Variants in PTCHD4 observed in about 807,000 individuals in gnomAD.
PTCHD4 encodes patched domain containing 4, also known as patched domain-containing protein 4.
A neutral mutation model predicts 58.1 loss-of-function variants in PTCHD4; 33 were observed. That is an observed-to-expected ratio of 0.57 (90% CI 0.43 to 0.76). The LOEUF is 0.76. PTCHD4 is among the 30% of genes least tolerant of loss of function. The pLI, the probability that PTCHD4 is intolerant of heterozygous loss-of-function variation, is 0.00. For synonymous variants in PTCHD4, 478 were observed against 409.6 expected (o/e 1.17, Z -2.02); for missense variants, 1,058 against 1,027.1 (o/e 1.03, Z -0.41).
chr6:48,107,238 C>T (rs1174586488), intron 1 of PTCHD4, among the ~76,000 whole-genome samples: 4 of 151,914 alleles, frequency 2.6e-5, no homozygotes, highest in Non-Finnish European at 4.4e-5. Flanking sequence ...GCATGGTACT[C>T]GTACCAAAAC....
At chr6:47,941,187 T>C (rs1766207410) in intron 4 of PTCHD4, among the ~76,000 whole-genome samples, 1 of 152,148 alleles carries the variant, frequency 6.6e-6, no homozygotes, top group African/African-American at 2.4e-5. Context: ...AGTCCACCAA[T>C]GAGAGACACT....
At chr6:47,906,684 T>A (rs575156759) in intron 4 of PTCHD4, among the ~76,000 whole-genome samples, 4 of 152,292 alleles carry the variant, frequency 2.6e-5, no homozygotes, top group Middle Eastern at 3.4e-3. Context: ...AAATCTTTAG[T>A]GTATATCTTG....
intron 4 of PTCHD4, among the ~76,000 whole-genome samples, chr6:47,906,804 C>T (rs1764901871): frequency 6.6e-6 from 1 of 152,166 alleles, no homozygotes; most frequent in Non-Finnish European, 1.5e-5. Context: ...CCACAGAAGG[C>T]TCACTCTCAC....
intron 4 of PTCHD4, among the ~76,000 whole-genome samples, chr6:47,999,595 TGTGCTGG>T (rs1768640636): frequency 6.6e-6 from 1 of 152,156 alleles, no homozygotes; most frequent in Non-Finnish European, 1.5e-5. Context: ...TCCTAAACAC[TGTGCTGG>T]TTCACGCTTT....
chr6:47,988,163 A>T (rs1019374894), intron 4 of PTCHD4, among the ~76,000 whole-genome samples: 2 of 152,206 alleles, frequency 1.3e-5, no homozygotes, highest in Non-Finnish European at 2.9e-5. Context: ...AAGACATTGT[A>T]TTATAGATGG....
rs150567452 is a variant in PTCHD4, at chr6:48,086,509, GT to G, written c.-969-16584del. Among the ~76,000 whole-genome samples, 243 of 149,576 alleles carry G rather than the reference GT, an allele frequency of 1.6e-3. 4 individuals carry two copies. The South Asian group carries it at 0.039, about 24-fold the overall frequency. On this transcript the variant is annotated intron_variant, in intron 1 of 4. Coordinates refer to ENST00000339488, the MANE Select transcript of PTCHD4 (RefSeq NM_001384253.1). ...ATACAAGGAAATATTACCAATTTCTGTTTTTTTTTCCCTAATATATATCAAT... is the reference window on the plus strand; with the variant it reads ...ATACAAGGAAATATTACCAATTTCTGTTTTTTTTCCCTAATATATATCAAT...
chr6:47,899,141 C>A (rs894692765), intron 4 of PTCHD4, among the ~76,000 whole-genome samples: 1 of 152,190 alleles, frequency 6.6e-6, no homozygotes, highest in African/African-American at 2.4e-5. Flanking sequence ...TATAAAATAT[C>A]ACATCCGCCA....
chr6:48,088,593 C>A (rs1210708267), intron 1 of PTCHD4, among the ~76,000 whole-genome samples: 1 of 152,122 alleles, frequency 6.6e-6, no homozygotes, highest in Admixed American at 6.5e-5. Flanking sequence ...CAGCAAAAAT[C>A]CAGCTAAGTC....
chr6:47,898,606 A>G (rs1047949826), intron 4 of PTCHD4, among the ~76,000 whole-genome samples: 5 of 152,218 alleles, frequency 3.3e-5, no homozygotes, highest in Non-Finnish European at 5.9e-5. Context: ...TCTTGTAAAT[A>G]AAGTAAACAC....
At chr6:47,912,633 A>G (rs1301972330) in intron 4 of PTCHD4, among the ~76,000 whole-genome samples, 1 of 152,150 alleles carries the variant, frequency 6.6e-6, no homozygotes, top group African/African-American at 2.4e-5. Context: ...TAATAATTCA[A>G]ATGAATAAGA....
rs1554182604 is a variant in PTCHD4, at chr6:48,098,342, C to CTTCTTCT, written c.-970+12706_-970+12707insAGAAGAA. On this transcript the variant is annotated intron_variant, in intron 1 of 4. Coordinates refer to ENST00000339488, the MANE Select transcript of PTCHD4 (RefSeq NM_001384253.1). The stretch of plus-strand genomic sequence containing the variant: ...TTTTCTTCTTCTTCTTCTTCTTCTT[C>CTTCTTCT]TTTTTTTTTTTTTTGAGAGAGAGTC... 7.1e-5 allele frequency among the ~76,000 whole-genome samples: 10 copies of CTTCTTCT among 140,278 alleles called. No individual in the cohort carries two copies. In the South Asian group the frequency reaches 1.2e-3, roughly 17 times the overall value. The allele number at this position is 140,278 out of a possible 152,430, so 92.0% of individuals were successfully genotyped here. A position where few individuals can be genotyped will look rare whatever the true frequency, so the allele number is the denominator to read the frequency against.
chr6:47,974,337 G>A (rs755570991), intron 4 of PTCHD4, among the ~76,000 whole-genome samples: 5 of 152,078 alleles, frequency 3.3e-5, no homozygotes, highest in Non-Finnish European at 5.9e-5. Context: ...GTTCTATTAC[G>A]GAGCCAAATA....
chr6:48,101,234 C>T (rs1765596097), intron 1 of PTCHD4, among the ~76,000 whole-genome samples: 1 of 151,890 alleles, frequency 6.6e-6, no homozygotes, highest in Non-Finnish European at 1.5e-5. Context: ...GCTGTGGCAA[C>T]AGTGATATAA....
chr6:48,075,923 C>CG (rs1201865865), intron 1 of PTCHD4, among the ~76,000 whole-genome samples: 4 of 152,170 alleles, frequency 2.6e-5, no homozygotes, highest in Non-Finnish European at 4.4e-5. Context: ...ACAACAATGA[C>CG]GTTTGCCACA....
chr6:48,022,438 G>A lies in PTCHD4; in HGVS notation c.418-13324C>T, dbSNP rs1763102806. On this transcript the variant is annotated intron_variant, in intron 3 of 4. Coordinates refer to ENST00000339488, the MANE Select transcript of PTCHD4 (RefSeq NM_001384253.1). ...CAGACATGCTTTGAAAATACAGTGT[G>A]TGATATACATTCTAATGAGGTCTGT... 2.0e-5 allele frequency among the ~76,000 whole-genome samples: 3 copies of A among 152,070 alleles called. No homozygotes were observed. The South Asian group carries it at 6.2e-4, about 32-fold the overall frequency.
At chr6:47,989,952 AC>A (rs1768219524) in intron 4 of PTCHD4, among the ~76,000 whole-genome samples, 1 of 152,168 alleles carries the variant, frequency 6.6e-6, no homozygotes, top group South Asian at 2.1e-4. Context: ...ATGACAGCCC[AC>A]AAAAGCAACC....
At chr6:47,943,716 C>A (rs1267815247) in intron 4 of PTCHD4, among the ~76,000 whole-genome samples, 1 of 151,968 alleles carries the variant, frequency 6.6e-6, no homozygotes, top group Non-Finnish European at 1.5e-5. Flanking sequence ...CAGAGCTGAG[C>A]ACCTAGAAAG....
chr6:48,043,110 A>G (rs538282551), intron 3 of PTCHD4, among the ~76,000 whole-genome samples: 1 of 151,856 alleles, frequency 6.6e-6, no homozygotes, highest in East Asian at 1.9e-4. Context: ...AATGAGAGAA[A>G]CACAGTGCAT....
At chr6:47,997,713 C>T (rs1336880692) in intron 4 of PTCHD4, among the ~76,000 whole-genome samples, 1 of 152,152 alleles carries the variant, frequency 6.6e-6, no homozygotes, top group African/African-American at 2.4e-5. Flanking sequence ...CAATCATTAA[C>T]AAAGAAGCCA....
Sources: gnomAD v4.1 joint callset for allele counts (sites outside exome capture counted in the v4.1 genomes callset) on GRCh38, gnomAD v4.1.1 for gene constraint, MANE v1.5 for transcripts, NCBI Gene and HGNC (gene_info 2026-07-23, HGNC 2026-07-21) for gene names.